The following EPC1 variants were observed in gnomAD, a reference collection of about 807,000 sequenced individuals.
EPC1 encodes the protein enhancer of polycomb homolog 1.
EPC1 carries 12 observed loss-of-function variants against 98.4 expected under a neutral mutation model. That is an observed-to-expected ratio of 0.12 (90% confidence interval 0.08 to 0.20). The LOEUF (loss-of-function observed/expected upper bound fraction) is 0.20. Ranked by LOEUF, EPC1 falls within the 10% of genes least tolerant of loss-of-function variation. EPC1 has a pLI of 1.00. For missense variants in EPC1, 729 were observed against 990.5 expected (o/e 0.74, Z 3.54); for synonymous variants, 357 against 363.9 (o/e 0.98, Z 0.21).
At position 32,308,752 on chromosome 10, in the gene EPC1, T is replaced by C. The variant is rs538282050; in HGVS notation, c.154-2821A>G. Among the ~76,000 whole-genome samples the C allele has an allele frequency of 1.2e-3, 178 of 152,282 alleles. 1 individual carries two copies. Among genetic ancestry groups the C allele is most frequent in the African/African-American group, 4.1e-3 (170 of 41,562 alleles). On this transcript the variant is annotated intron_variant, in intron 1 of 13. Transcript: ENST00000319778. The stretch of plus-strand genomic sequence containing the variant: ...CCTCAAAAATCGAAACAAATAAAAC[T>C]ACCATACGATTCAGCAATCTCACTG...
At chr10:32,322,922 T>G (rs1312859495) in intron 1 of EPC1, among the ~76,000 whole-genome samples, 3 of 151,936 alleles carry the variant, frequency 2.0e-5, no homozygotes, top group Non-Finnish European at 4.4e-5. Context: ...GGCAGCACAA[T>G]AAAGAGACCA....
Position 32,368,625 on chromosome 10 carries a change from C to A in EPC1, c.3+9866G>T, listed in dbSNP as rs557970636. ...TAATGAAAGAAAAGCAGATAATAAA[C>A]CTTATACTCTATGTGACTCATTGAC... is the stretch of plus-strand genomic sequence containing the variant. On this transcript the variant is annotated intron_variant, in intron 1 of 13. Coordinates refer to the EPC1 transcript ENST00000375110. Among the ~76,000 whole-genome samples the A allele has an allele frequency of 5.9e-5, 9 of 152,044 alleles. No individual in the cohort carries two copies. The East Asian group carries it at 7.8e-4, about 13-fold the overall frequency.
At chr10:32,293,886 C>CT (rs1834990342) in intron 2 of EPC1, 149 bp from the exon 3 acceptor site, 3 of 706,602 alleles carry the variant, frequency 4.2e-6, no homozygotes, top group Admixed American at 6.2e-5. Context: ...ACAATCTAAG[C>CT]TTAGATTTGT....
chr10:32,334,646 A>G (rs1837847715), intron 1 of EPC1, among the ~76,000 whole-genome samples: 1 of 152,200 alleles, frequency 6.6e-6, no homozygotes, highest in Non-Finnish European at 1.5e-5. Context: ...AAAACTGTAC[A>G]CTTCACATGT....
At chr10:32,297,497 G>T (rs1835241571) in intron 2 of EPC1, among the ~76,000 whole-genome samples, 2 of 151,998 alleles carry the variant, frequency 1.3e-5, no homozygotes, top group Non-Finnish European at 2.9e-5. Flanking sequence ...ATGTTGACCA[G>T]GTTGGTCTCC....
At chr10:32,360,739 C>T (rs536163358) in intron 1 of EPC1, among the ~76,000 whole-genome samples, 13 of 152,078 alleles carry the variant, frequency 8.5e-5, no homozygotes, top group South Asian at 2.1e-4. Flanking sequence ...ACTAAAAATA[C>T]GAAACTTAGC....
intron 1 of EPC1, among the ~76,000 whole-genome samples, chr10:32,373,111 C>T (rs1439912178): frequency 6.6e-6 from 1 of 152,130 alleles, no homozygotes; most frequent in Non-Finnish European, 1.5e-5. Context: ...AAGTACACAG[C>T]CTCTGATTTC....
chr10:32,290,485 A>C lies in EPC1; in HGVS notation c.975+678T>G, dbSNP rs200959441. ...CGGGTGACAGAGCAAGACTCTGTCA[A>C]AAAAAAAAAAAAAAAAAAAAAAAGA... On this transcript the variant is annotated intron_variant, in intron 6 of 13. Transcript: ENST00000319778. Among the ~76,000 whole-genome samples the C allele has an allele frequency of 6.1e-3, 51 of 8,354 alleles. 4 individuals are homozygous for C. The highest frequency in any genetic ancestry group is 0.011 in the East Asian group (1 of 88). 5.5% of individuals were successfully genotyped at this position (8,354 alleles called of 152,430 possible).
At chr10:32,348,623 G>A (rs555603613), upstream of EPC1, among the ~76,000 whole-genome samples, 9 of 152,290 alleles carry the variant, frequency 5.9e-5, no homozygotes, top group East Asian at 1.7e-3. Context: ...CTTAAGTGAG[G>A]CATAAGGACG....
At chr10:32,300,479 G>T (rs1835445086) in intron 2 of EPC1, among the ~76,000 whole-genome samples, 1 of 150,274 alleles carries the variant, frequency 6.7e-6, no homozygotes, top group African/African-American at 2.5e-5. Context: ...TGTCACCCAG[G>T]CTAGAGTGTA....
At chr10:32,289,655 G>A (rs1177343634) in intron 6 of EPC1, among the ~76,000 whole-genome samples, 1 of 149,062 alleles carries the variant, frequency 6.7e-6, no homozygotes, top group African/African-American at 2.5e-5. Context: ...ACGGAGTCTC[G>A]CACTGTAGCC....
At chr10:32,319,602 C>T (rs938838895) in intron 1 of EPC1, among the ~76,000 whole-genome samples, 2 of 152,068 alleles carry the variant, frequency 1.3e-5, no homozygotes, top group African/African-American at 4.8e-5. Context: ...AATGGGGTCA[C>T]TCTATTAAAA....
chr10:32,332,586 G>A (rs1837706245), intron 1 of EPC1, among the ~76,000 whole-genome samples: 1 of 152,210 alleles, frequency 6.6e-6, no homozygotes, highest in African/African-American at 2.4e-5. Flanking sequence ...AGAGAACTGG[G>A]ACAGAAGCCT....
intron 1 of EPC1, among the ~76,000 whole-genome samples, chr10:32,370,500 C>T (rs1839716154): frequency 1.3e-5 from 2 of 152,200 alleles, no homozygotes. Flanking sequence ...TCCAACTAAA[C>T]CAAAACTTTT....
exon 1 of EPC1, chr10:32,378,656 G>T (rs1402635345): frequency 2.0e-6 from 1 of 495,236 alleles, no homozygotes; most frequent in African/African-American, 2.0e-5. Flanking sequence ...ATGATCGGTG[G>T]CCGAATGGGG....
intron 1 of EPC1, among the ~76,000 whole-genome samples, chr10:32,367,407 A>G (rs1285540710): frequency 2.0e-5 from 3 of 152,238 alleles, no homozygotes; most frequent in Admixed American, 6.5e-5. Flanking sequence ...GAATTTCACT[A>G]GAAAAATCTG....
chr10:32,327,160 T>C (rs1837344444), intron 1 of EPC1, among the ~76,000 whole-genome samples: 2 of 151,796 alleles, frequency 1.3e-5, no homozygotes, highest in South Asian at 4.2e-4. Flanking sequence ...CAGATGAGCC[T>C]AGGAGATACT....
chr10:32,328,978 T>C (rs1211825233), intron 1 of EPC1, among the ~76,000 whole-genome samples: 1 of 152,238 alleles, frequency 6.6e-6, no homozygotes, highest in East Asian at 1.9e-4. Context: ...CAATCATTAC[T>C]TGGGACTTCT....
chr10:32,288,986 G>A (rs907902625), intron 6 of EPC1, among the ~76,000 whole-genome samples: 8 of 152,064 alleles, frequency 5.3e-5, no homozygotes, highest in Non-Finnish European at 1.5e-5. Flanking sequence ...CTATTTGGGA[G>A]GCTGAGGCAG....
Sources: gnomAD v4.1 joint callset for allele counts (sites outside exome capture counted in the v4.1 genomes callset) on GRCh38, gnomAD v4.1.1 for gene constraint, MANE v1.5 for transcripts, NCBI Gene and HGNC (gene_info 2026-07-23, HGNC 2026-07-21) for gene names.